The following EVL variants were observed in gnomAD, a reference collection of about 807,000 sequenced individuals.
The protein encoded by EVL is Enah/Vasp-like.
In EVL, 21 loss-of-function variants were observed where a neutral mutation model predicts 59.6. The observed-to-expected ratio is 0.35, with a 90% confidence interval of 0.25 to 0.51. The LOEUF is 0.51. Ranked by LOEUF, EVL falls within the 20% of genes least tolerant of loss-of-function variation. The pLI is 0.97. For missense variants in EVL, 462 were observed against 546.6 expected (o/e 0.85, Z 1.54); for synonymous variants, 198 against 203.5 (o/e 0.97, Z 0.23).
intron 1 of EVL, among the ~76,000 whole-genome samples, chr14:100,047,212 A>G (rs1213163483): frequency 6.7e-6 from 1 of 148,392 alleles, no homozygotes; most frequent in Non-Finnish European, 1.5e-5. Flanking sequence ...GTTTAATCTG[A>G]AAACAATCAG....
At chr14:100,026,255 A>G (rs1006197544) in intron 1 of EVL, among the ~76,000 whole-genome samples, 17 of 150,988 alleles carry the variant, frequency 1.1e-4, no homozygotes, top group Non-Finnish European at 1.2e-4. Context: ...AAAAAAAAAC[A>G]CAACACTGTT....
At chr14:100,007,609 C>CA (rs1277027241) in intron 1 of EVL, among the ~76,000 whole-genome samples, 7 of 152,204 alleles carry the variant, frequency 4.6e-5, no homozygotes, top group African/African-American at 1.7e-4. Context: ...AGTGACTGGC[C>CA]AAGGGGCCTG....
intron 13 of EVL, 28 bp from the exon 14 acceptor site, chr14:100,143,659 CTGGTCATGGCTGCA>C (rs1889341828): frequency 1.9e-6 from 3 of 1,565,334 alleles, no homozygotes; most frequent in Non-Finnish European, 8.5e-7. Flanking sequence ...CCGGGCTGCA[CTGGTCATGGCTGCA>C]CCTGAGCCGC....
intron 1 of EVL, among the ~76,000 whole-genome samples, chr14:100,060,025 C>T (rs544003311): frequency 6.2e-4 from 94 of 152,240 alleles, no homozygotes; most frequent in African/African-American, 2.0e-3. Context: ...GAAGTTGAAA[C>T]GAGCAGGCAA....
At chr14:100,025,144 T>C (rs74084438) in intron 1 of EVL, among the ~76,000 whole-genome samples, 5,706 of 152,284 alleles carry the variant, frequency 0.037, 321 homozygotes, top group East Asian at 0.16. Flanking sequence ...AGAAGTCAAA[T>C]CATGTCACTC....
At chr14:100,039,785 C>T (rs972911347) in intron 1 of EVL, among the ~76,000 whole-genome samples, 6 of 151,974 alleles carry the variant, frequency 3.9e-5, no homozygotes, top group African/African-American at 1.5e-4. Flanking sequence ...ACCCCATGAG[C>T]TGCTTTTTGT....
intron 1 of EVL, among the ~76,000 whole-genome samples, chr14:100,045,728 T>C (rs2061536255): frequency 6.6e-6 from 1 of 152,228 alleles, no homozygotes; most frequent in African/African-American, 2.4e-5. Flanking sequence ...TTTTAATCTC[T>C]GTCCTGCCCT....
chr14:100,088,833 A>G (rs913557482), intron 2 of EVL, among the ~76,000 whole-genome samples: 2 of 152,198 alleles, frequency 1.3e-5, no homozygotes, highest in Non-Finnish European at 2.9e-5. Flanking sequence ...TTAAAATGTT[A>G]ATCCTTCAGC....
intron 9 of EVL, chr14:100,137,019 C>G (rs34522268): frequency 0.16 from 11,829 of 76,216 alleles, 984 homozygotes; most frequent in African/African-American, 0.4. Flanking sequence ...AGCTGCCCCA[C>G]TACCCCCTAG....
At chr14:99,999,919 G>T (rs2060935509) in intron 1 of EVL, among the ~76,000 whole-genome samples, 1 of 152,184 alleles carries the variant, frequency 6.6e-6, no homozygotes. Flanking sequence ...TTTTTGCCTA[G>T]TAATTCTTTA....
At chr14:100,081,513 CAAAAAAA>C (rs34871876) in intron 1 of EVL, among the ~76,000 whole-genome samples, 1 of 122,424 alleles carries the variant, frequency 8.2e-6, no homozygotes, top group African/African-American at 2.9e-5. Flanking sequence ...TTAACAACAG[CAAAAAAA>C]AAAAAAAAAA....
At chr14:99,981,621 T>C (rs1253752515) in intron 1 of EVL, among the ~76,000 whole-genome samples, 1 of 152,172 alleles carries the variant, frequency 6.6e-6, no homozygotes, top group East Asian at 1.9e-4. Flanking sequence ...AAAGCAAATA[T>C]TGTAAGAAAG....
chr14:100,137,558 T>C lies in EVL; in HGVS notation c.965-20T>C, dbSNP rs1441021421. 3 of 1,613,308 alleles carry C rather than the reference T, an allele frequency of 1.9e-6. No individual in the cohort carries two copies. The highest frequency in any genetic ancestry group is 2.5e-6 in the Non-Finnish European group (3 of 1,179,824). ...GTCCCTTCACCTGTGAGGTTCTTCA[T>C]CCATGAAATGAACTGACAGAGGCTG... On this transcript the variant is annotated intron_variant, in intron 9 of 13. Transcript: ENST00000392920.
intron 1 of EVL, among the ~76,000 whole-genome samples, chr14:100,020,329 C>T (rs566204333): frequency 6.6e-6 from 1 of 152,030 alleles, no homozygotes; most frequent in African/African-American, 2.4e-5. Flanking sequence ...AGGAATCTAT[C>T]CCTGTATATA....
At chr14:100,099,284 T>C (rs1886037368) in intron 3 of EVL, among the ~76,000 whole-genome samples, 1 of 151,944 alleles carries the variant, frequency 6.6e-6, no homozygotes. Flanking sequence ...GGTGCATGCC[T>C]GCAATTCATG....
chr14:100,061,063 G>C (rs1429932043), upstream of EVL, among the ~76,000 whole-genome samples: 2 of 150,894 alleles, frequency 1.3e-5, no homozygotes, highest in Non-Finnish European at 2.9e-5. Flanking sequence ...AGAAAACTAA[G>C]AGAATGTATT....
rs866817912 is a variant in EVL at position 100,043,275 on chromosome 14, A to G, written c.6-41412A>G. 7.4e-5 allele frequency among the ~76,000 whole-genome samples: 11 copies of G among 148,872 alleles called. No individual in the cohort carries two copies. In the South Asian group the frequency reaches 1.1e-3, roughly 14 times the overall value. On this transcript the variant is annotated intron_variant, in intron 1 of 13. Coordinates refer to the EVL transcript ENST00000402714. Reference sequence around the variant, plus strand: ...TATATATGTGTGTGTGTATATATATATGTGTGTGTGTATATATATGTGTGT... The same window carrying G: ...TATATATGTGTGTGTGTATATATATGTGTGTGTGTGTATATATATGTGTGT...
chr14:100,104,902 C>CT lies in EVL; in HGVS notation c.358+7270dup, dbSNP rs568203851. ...TATAATCCAGTTTCTCCTCTCTTTACTTTTTTTTTTTTTTTTTTTTTTTTT... is the reference window on the plus strand; with the variant it reads ...TATAATCCAGTTTCTCCTCTCTTTACTTTTTTTTTTTTTTTTTTTTTTTTTT... On this transcript the variant is annotated intron_variant, in intron 3 of 13. Coordinates refer to ENST00000392920, the MANE Select transcript of EVL (RefSeq NM_016337.3). Among the ~76,000 whole-genome samples the CT allele has an allele frequency of 3.9e-3, 390 of 99,502 alleles. 4 individuals carry two copies. The highest frequency in any genetic ancestry group is 9.2e-3 in the East Asian group (28 of 3,034). The allele number at this position is 99,502 out of a possible 152,430, so 65.3% of individuals were successfully genotyped here.
At chr14:100,019,492 G>A (rs1419415163) in intron 1 of EVL, 2 of 556,108 alleles carry the variant, frequency 3.6e-6, no homozygotes, top group African/African-American at 2.0e-5. Context: ...GCAGCTGGCG[G>A]AGCTGGAGGC....
Sources: allele counts gnomAD v4.1 joint callset (sites outside exome capture counted in the v4.1 genomes callset), GRCh38; gene constraint gnomAD v4.1.1; transcripts MANE v1.5; gene names NCBI Gene and HGNC (gene_info 2026-07-23, HGNC 2026-07-21).